Variants in CELF2 observed in about 807,000 individuals in gnomAD.
CELF2 encodes the protein CUGBP Elav-like family member 2.
CELF2 carries 8 observed loss-of-function variants against 62.6 expected under a neutral mutation model. That is an observed-to-expected ratio of 0.13 (90% CI 0.07 to 0.23). The LOEUF is 0.23. Ranked by LOEUF, CELF2 falls within the 10% of genes least tolerant of loss-of-function variation. CELF2 has a pLI of 1.00. For missense variants in CELF2, 333 were observed against 671.0 expected (o/e 0.50, Z 5.56); for synonymous variants, 258 against 250.0 (o/e 1.03, Z -0.30).
intron 1 of CELF2, among the ~76,000 whole-genome samples, chr10:11,024,695 T>G (rs2058857516): frequency 6.6e-6 from 1 of 152,190 alleles, no homozygotes; most frequent in East Asian, 1.9e-4. Flanking sequence ...GTGCTCTCTG[T>G]CATAACCATG....
Position 11,181,885 on chromosome 10 carries a change from GTTC to G in CELF2, c.271+16209_271+16211del, listed in dbSNP as rs1370406429. On this transcript the variant is annotated intron_variant, in intron 2 of 12. Transcript: ENST00000633077. Reference sequence around the variant, plus strand: ...TTCCCACCAGCCTGTATCCTGCCTTGTTCTTCTTTCCTTTTCATGGCACGTTGA... The same window carrying G: ...TTCCCACCAGCCTGTATCCTGCCTTGTTCTTTCCTTTTCATGGCACGTTGA... Among the ~76,000 whole-genome samples, 10 of 152,278 alleles carry G rather than the reference GTTC, an allele frequency of 6.6e-5. No homozygotes were observed. In the East Asian group the frequency reaches 1.3e-3, roughly 21 times the overall value.
intron 2 of CELF2, among the ~76,000 whole-genome samples, chr10:10,926,688 C>T (rs2065500365): frequency 6.6e-6 from 1 of 152,082 alleles, no homozygotes; most frequent in African/African-American, 2.4e-5. Context: ...ATGCCTGATC[C>T]CTTAGGGAGG....
the CELF2 span, among the ~76,000 whole-genome samples, chr10:10,774,279 T>G: frequency 6.6e-6 from 1 of 151,992 alleles, no homozygotes; most frequent in Non-Finnish European, 1.5e-5. Context: ...ATAGACAAAT[T>G]AGTGAATGTG....
intron 9 of CELF2, among the ~76,000 whole-genome samples, chr10:11,288,777 A>T (rs1455771311): frequency 6.6e-6 from 1 of 152,238 alleles, no homozygotes; most frequent in African/African-American, 2.4e-5. Flanking sequence ...TTCAGTGAGA[A>T]TCCACTGTGC....
At chr10:11,175,931 G>C (rs2070916874) in intron 2 of CELF2, among the ~76,000 whole-genome samples, 1 of 152,174 alleles carries the variant, frequency 6.6e-6, no homozygotes, top group Non-Finnish European at 1.5e-5. Flanking sequence ...GTAAAGAGAG[G>C]AGAGCCACAA....
intron 1 of CELF2, among the ~76,000 whole-genome samples, chr10:11,072,437 G>T (rs1436433810): frequency 6.6e-6 from 1 of 152,206 alleles, no homozygotes; most frequent in African/African-American, 2.4e-5. Context: ...ATATTGCTAA[G>T]ACCATGACCA....
intron 2 of CELF2, among the ~76,000 whole-genome samples, chr10:11,197,052 A>AGAAAGAAAGAGAGAAGGAAAGAGAGAAG (rs2058030301): frequency 2.2e-4 from 7 of 31,690 alleles, no homozygotes; most frequent in African/African-American, 8.9e-4. Context: ...AAAGAAAGAA[A>AGAAAGAAAGAGAGAAGGAAAGAGAGAAG]GAAAGAAAAG....
intron 2 of CELF2, among the ~76,000 whole-genome samples, chr10:11,209,645 T>A (rs1031976127): frequency 6.6e-6 from 1 of 151,956 alleles, no homozygotes; most frequent in African/African-American, 2.4e-5. Flanking sequence ...GGTTTTTTTT[T>A]AACCTTTAAC....
chr10:11,104,930 T>G (rs929358271), intron 1 of CELF2, among the ~76,000 whole-genome samples: 1 of 152,206 alleles, frequency 6.6e-6, no homozygotes, highest in African/African-American at 2.4e-5. Flanking sequence ...AAAACTGAGC[T>G]GCAGGGGCAG....
intron 10 of CELF2, chr10:11,320,902 C>T: frequency 6.5e-7 from 1 of 1,546,890 alleles, no homozygotes; most frequent in Non-Finnish European, 8.7e-7. Context: ...AACAACGGTA[C>T]TTGCCAGTAG....
At chr10:10,502,542 AT>A in the CELF2 span, among the ~76,000 whole-genome samples, 2 of 151,992 alleles carry the variant, frequency 1.3e-5, no homozygotes, top group African/African-American at 4.8e-5. Context: ...TATGTGTCAA[AT>A]ATATGTGTAT....
chr10:11,178,728 T>A lies in CELF2; in HGVS notation c.271+13046T>A, dbSNP rs1304451447. 6.6e-6 allele frequency among the ~76,000 whole-genome samples: 1 copy of A among 152,220 alleles called. No individual in the cohort carries two copies. The highest frequency in any genetic ancestry group is 6.5e-5 in the Admixed American group (1 of 15,292). ...ATCAGTCTTTGGAGGGCCTGCCACA[T>A]GTCTTCCAGACGGCTAGAATGCTCA... On this transcript the variant is annotated intron_variant, in intron 2 of 12. Transcript: ENST00000633077. This position sits in a 1 kb window ranked among gnomAD's most constrained non-coding sequence, Gnocchi z 4.3.
chr10:10,923,424 T>C (rs970322612), intron 2 of CELF2, among the ~76,000 whole-genome samples: 2 of 152,220 alleles, frequency 1.3e-5, no homozygotes, highest in Non-Finnish European at 1.5e-5. Flanking sequence ...TACGTGGTAC[T>C]AATTTAAAGC....
the CELF2 span, among the ~76,000 whole-genome samples, chr10:10,778,733 C>G: frequency 2.6e-5 from 4 of 151,924 alleles, no homozygotes; most frequent in African/African-American, 7.3e-5. Flanking sequence ...TTTTTAAGAC[C>G]AAAAATTTGC....
the CELF2 span, among the ~76,000 whole-genome samples, chr10:10,644,500 A>C: frequency 1.3e-5 from 2 of 151,982 alleles, no homozygotes; most frequent in Non-Finnish European, 2.9e-5. Flanking sequence ...TTTTCACCGC[A>C]GTTGAGCCCA....
chr10:10,642,097 G>A, the CELF2 span, among the ~76,000 whole-genome samples: 3 of 152,188 alleles, frequency 2.0e-5, no homozygotes, highest in African/African-American at 7.2e-5. Context: ...GGCCATCATG[G>A]GGGAAAGGAA....
At chr10:11,091,943 A>C (rs1327791582) in intron 1 of CELF2, among the ~76,000 whole-genome samples, 1 of 152,236 alleles carries the variant, frequency 6.6e-6, no homozygotes, top group African/African-American at 2.4e-5. Flanking sequence ...AGGCATTTAG[A>C]AAAGCAGAAT....
chr10:10,568,510 T>G, the CELF2 span, among the ~76,000 whole-genome samples: 6 of 152,198 alleles, frequency 3.9e-5, no homozygotes, highest in Non-Finnish European at 8.8e-5. Context: ...TTTGTTACTA[T>G]CTGGACCTCT....
intron 1 of CELF2, among the ~76,000 whole-genome samples, chr10:11,024,653 G>A (rs750664550): frequency 1.6e-4 from 25 of 152,014 alleles, no homozygotes; most frequent in South Asian, 2.1e-4. Context: ...AAGAAGTCCC[G>A]GAAGTTTGTC....
Sources: allele counts gnomAD v4.1 joint callset (sites outside exome capture counted in the v4.1 genomes callset), GRCh38; gene constraint gnomAD v4.1.1; non-coding constraint Gnocchi (gnomAD v3.1); transcripts MANE v1.5; gene names NCBI Gene and HGNC (gene_info 2026-07-23, HGNC 2026-07-21).